CWC27: variants seen among roughly 807,000 people sequenced by gnomAD.
The protein encoded by CWC27 is CWC27 spliceosome associated cyclophilin, also known as spliceosome-associated protein CWC27 homolog.
CWC27 carries 47 observed loss-of-function variants against 63.6 expected under a neutral mutation model. The observed-to-expected ratio is 0.74, with a 90% confidence interval of 0.58 to 0.94. The LOEUF is 0.94. CWC27 is among the 40% of genes least tolerant of loss of function. The pLI, the probability that CWC27 is intolerant of heterozygous loss-of-function variation, is 0.00. For missense variants in CWC27, 495 were observed against 554.3 expected (o/e 0.89, Z 1.07); for synonymous variants, 175 against 179.8 (o/e 0.97, Z 0.22).
chr5:64,986,987 A>G (rs1294298982), intron 13 of CWC27, among the ~76,000 whole-genome samples: 5 of 152,042 alleles, frequency 3.3e-5, no homozygotes, highest in Admixed American at 6.5e-5. Flanking sequence ...AGCTCTTTAC[A>G]TGTTAGAAGT....
At chr5:64,963,999 A>G (rs564962735) in intron 11 of CWC27, among the ~76,000 whole-genome samples, 41 of 152,338 alleles carry the variant, frequency 2.7e-4, no homozygotes, top group Non-Finnish European at 1.0e-4. Context: ...TTTACCTGAC[A>G]TGTTTTCCAT....
intron 11 of CWC27, among the ~76,000 whole-genome samples, chr5:64,931,758 C>T (rs1239576015): frequency 6.6e-6 from 1 of 151,950 alleles, no homozygotes; most frequent in Non-Finnish European, 1.5e-5. Context: ...CTATGCCACT[C>T]TATAAAAGTG....
intron 10 of CWC27, among the ~76,000 whole-genome samples, chr5:64,872,348 A>G (rs1011449009): frequency 2.0e-5 from 3 of 152,198 alleles, no homozygotes; most frequent in African/African-American, 4.8e-5. Context: ...AGGCACTTCA[A>G]TGTCTGTACC....
intron 1 of CWC27, among the ~76,000 whole-genome samples, chr5:64,770,584 T>C (rs1395716290): frequency 6.6e-6 from 1 of 152,196 alleles, no homozygotes; most frequent in African/African-American, 2.4e-5. Context: ...TTTAGTTTTT[T>C]TCATGGTATT....
chr5:64,961,494 A>G (rs1299469963), intron 11 of CWC27, among the ~76,000 whole-genome samples: 2 of 152,206 alleles, frequency 1.3e-5, no homozygotes, highest in Non-Finnish European at 2.9e-5. Flanking sequence ...GGTAATCTTT[A>G]AGTCCCCAAG....
intron 10 of CWC27, among the ~76,000 whole-genome samples, chr5:64,882,575 G>A (rs1746966114): frequency 6.6e-6 from 1 of 152,046 alleles, no homozygotes; most frequent in Non-Finnish European, 1.5e-5. Context: ...AAAAATTAAT[G>A]TTTCCTTTTA....
intron 10 of CWC27, among the ~76,000 whole-genome samples, chr5:64,865,861 A>G (rs1454372788): frequency 1.3e-5 from 2 of 152,102 alleles, no homozygotes; most frequent in Admixed American, 1.3e-4. Context: ...TAATGTTAAA[A>G]TAACAGTACA....
At chr5:64,896,487 G>T (rs1468556596) in intron 11 of CWC27, among the ~76,000 whole-genome samples, 1 of 152,066 alleles carries the variant, frequency 6.6e-6, no homozygotes, top group Non-Finnish European at 1.5e-5. Flanking sequence ...ATATAACTTT[G>T]GTGAGCAGGT....
intron 13 of CWC27, among the ~76,000 whole-genome samples, chr5:65,007,008 AAGAAAGAAAG>A (rs1318283612): frequency 1.3e-5 from 2 of 151,204 alleles, no homozygotes; most frequent in South Asian, 2.1e-4. Flanking sequence ...GAAAGAAAGA[AAGAAAGAAAG>A]AAAGAAAAGA....
chr5:64,936,941 C>T (rs930375621), intron 11 of CWC27, among the ~76,000 whole-genome samples: 4 of 152,000 alleles, frequency 2.6e-5, no homozygotes, highest in African/African-American at 2.4e-5. Context: ...CAACCAGTAA[C>T]GATATCCCCT....
At chr5:64,923,213 A>G (rs564740680) in intron 11 of CWC27, among the ~76,000 whole-genome samples, 66 of 152,272 alleles carry the variant, frequency 4.3e-4, no homozygotes, top group African/African-American at 1.6e-3. Flanking sequence ...TAAAAGCACT[A>G]TTGTGGTAGT....
Position 64,768,972 on chromosome 5 carries a change from G to A in CWC27, c.-175G>A, listed in dbSNP as rs1380562552. 1.7e-6 allele frequency: 1 copy of A among 600,550 alleles called. No homozygotes were observed. The highest frequency in any genetic ancestry group is 2.9e-5 in the Admixed American group (1 of 34,598). The allele number at this position is 600,550 out of a possible 1,614,324, so 37.2% of individuals were successfully genotyped here. A position where few individuals can be genotyped will look rare whatever the true frequency, so the allele number is the denominator to read the frequency against. ...GTAACAACATGGCGGCGTCCGTGAG[G>A]GGCTCCTTTGGGCAGGGGTAGTGTT... On this transcript the variant is annotated 5_prime_UTR_variant, in exon 1 of 14. Coordinates refer to ENST00000381070, the MANE Select transcript of CWC27 (RefSeq NM_005869.4).
chr5:64,859,399 C>A (rs889076160), intron 10 of CWC27, among the ~76,000 whole-genome samples: 1 of 152,210 alleles, frequency 6.6e-6, no homozygotes, highest in African/African-American at 2.4e-5. Flanking sequence ...ACTATATACA[C>A]TCGAGATACA....
At chr5:64,912,243 C>A (rs1378312326) in intron 11 of CWC27, among the ~76,000 whole-genome samples, 3 of 151,932 alleles carry the variant, frequency 2.0e-5, no homozygotes, top group Non-Finnish European at 4.4e-5. Flanking sequence ...AAAATAATAT[C>A]CTAAGCATCA....
chr5:65,014,414 G>C, intron 13 of CWC27, among the ~76,000 whole-genome samples: 1 of 150,108 alleles, frequency 6.7e-6, no homozygotes, highest in East Asian at 1.9e-4. Context: ...ACACTATAAA[G>C]TCAATGTTAT....
chr5:64,903,661 T>C (rs1396843690), intron 11 of CWC27, among the ~76,000 whole-genome samples: 2 of 152,050 alleles, frequency 1.3e-5, no homozygotes, highest in East Asian at 3.8e-4. Context: ...ACCTGCATGT[T>C]CTGCACATGT....
chr5:64,947,784 G>A (rs1032875755), intron 11 of CWC27, among the ~76,000 whole-genome samples: 3 of 152,002 alleles, frequency 2.0e-5, no homozygotes, highest in African/African-American at 7.2e-5. Context: ...TGTTTTTGGG[G>A]AGCAGGGAAT....
chr5:64,971,728 T>C lies in CWC27; in HGVS notation c.1068T>C (p.Ala356=), dbSNP rs768048385. 1.4e-5 allele frequency: 22 copies of C among 1,609,470 alleles called. No homozygotes were observed. Among genetic ancestry groups the C allele is most frequent in the Non-Finnish European group, 8.5e-7 (1 of 1,178,298 alleles). The change falls in exon 12 of 14, where the codon GCT becomes GCC. Residue 356 remains alanine (A), a synonymous_variant. Coordinates refer to ENST00000381070, the MANE Select transcript of CWC27 (RefSeq NM_005869.4). The part of the protein sequence containing the change: ...SEEEEAPPDG[A]VAEYRREKQK... ...AGGAAGAAGCCCCTCCAGATGGTGC[T>C]GTTGCCGAATACAGAAGAGAAAAGC...
chr5:64,852,142 CAT>C (rs1746146003), intron 10 of CWC27, among the ~76,000 whole-genome samples: 2 of 152,128 alleles, frequency 1.3e-5, no homozygotes, highest in African/African-American at 4.8e-5. Flanking sequence ...GAGAGGGAAA[CAT>C]AAGTAACTGG....
Sources: gnomAD v4.1 joint callset for allele counts (sites outside exome capture counted in the v4.1 genomes callset) on GRCh38, gnomAD v4.1.1 for gene constraint, MANE v1.5 for transcripts, NCBI Gene and HGNC (gene_info 2026-07-23, HGNC 2026-07-21) for gene names.